EBF2: variants seen among roughly 807,000 people sequenced by gnomAD.
EBF2 encodes the protein EBF transcription factor 2, also known as transcription factor COE2.
A neutral mutation model predicts 72.8 loss-of-function variants in EBF2; 21 were observed. That is an observed-to-expected ratio of 0.29 (90% CI 0.20 to 0.42). The LOEUF (loss-of-function observed/expected upper bound fraction) is 0.42, where lower values mean the gene tolerates loss of function less well. EBF2 is among the 10% of genes least tolerant of loss of function. The pLI is 1.00. For synonymous variants in EBF2, 299 were observed against 274.2 expected (o/e 1.09, Z -0.89); for missense variants, 637 against 731.2 (o/e 0.87, Z 1.49).
chr8:25,957,509 G>A (rs964023320), intron 6 of EBF2, among the ~76,000 whole-genome samples: 3 of 152,140 alleles, frequency 2.0e-5, no homozygotes, highest in African/African-American at 7.2e-5. Flanking sequence ...TGCCTGTGGA[G>A]CAACAGTGTT....
At chr8:25,900,326 G>A (rs996092347) in intron 7 of EBF2, among the ~76,000 whole-genome samples, 3 of 152,094 alleles carry the variant, frequency 2.0e-5, no homozygotes, top group Non-Finnish European at 4.4e-5. Flanking sequence ...TTTTTGTGTT[G>A]CATGCACCTG....
intron 6 of EBF2, among the ~76,000 whole-genome samples, chr8:26,002,580 A>G (rs1377036381): frequency 1.3e-5 from 2 of 152,182 alleles, no homozygotes; most frequent in African/African-American, 4.8e-5. Context: ...CAAAGCAAGT[A>G]GAGTTCCTCA....
intron 6 of EBF2, among the ~76,000 whole-genome samples, chr8:26,012,776 C>G (rs1805047255): frequency 6.6e-6 from 1 of 152,208 alleles, no homozygotes; most frequent in African/African-American, 2.4e-5. Flanking sequence ...TGTCTCCTTG[C>G]TCACAGCATG....
At chr8:25,960,010 TG>T (rs1334869101) in intron 6 of EBF2, among the ~76,000 whole-genome samples, 1 of 152,208 alleles carries the variant, frequency 6.6e-6, no homozygotes, top group African/African-American at 2.4e-5. Context: ...TCACCTTTCC[TG>T]GGTTCTGGTC....
chr8:26,005,579 G>GAGAGAGAGA (rs71216409), intron 6 of EBF2, among the ~76,000 whole-genome samples: 17 of 63,782 alleles, frequency 2.7e-4, no homozygotes, highest in South Asian at 4.8e-4. Context: ...GAGAGAGAGA[G>GAGAGAGAGA]GTATTTTGGG....
intron 6 of EBF2, among the ~76,000 whole-genome samples, chr8:25,932,380 A>T (rs1398127442): frequency 1.1e-4 from 1 of 8,930 alleles, no homozygotes; most frequent in East Asian, 0.012. Context: ...TCTCTTGATT[A>T]AAAAAAAAAA....
In EBF2 at chr8:25,894,370, G is replaced by A. The variant is rs545059561; in HGVS notation, c.634-4501C>T. ...TTTGGAGAAGTTAAGATTTCTGAAC[G>A]TTTTAGGACCAAAGGAAGTGGAATG... On this transcript the variant is annotated intron_variant, in intron 7 of 15. Coordinates refer to ENST00000520164, the MANE Select transcript of EBF2 (RefSeq NM_022659.4). Among the ~76,000 whole-genome samples, 15 of 152,264 alleles carry A rather than the reference G, an allele frequency of 9.9e-5. No individual in the cohort carries two copies. The East Asian group carries it at 2.9e-3, about 29-fold the overall frequency.
At chr8:25,901,246 A>G (rs1405939684) in intron 7 of EBF2, among the ~76,000 whole-genome samples, 3 of 151,952 alleles carry the variant, frequency 2.0e-5, no homozygotes, top group Non-Finnish European at 2.9e-5. Flanking sequence ...ATGTGGCAAA[A>G]CCCCGTCTCG....
chr8:25,981,290 C>T (rs1410192008), intron 6 of EBF2, among the ~76,000 whole-genome samples: 5 of 152,114 alleles, frequency 3.3e-5, no homozygotes, highest in Admixed American at 2.0e-4. Flanking sequence ...GATTCCTGCC[C>T]CCATCCCATC....
At chr8:25,941,729 T>C (rs1023215990) in intron 6 of EBF2, among the ~76,000 whole-genome samples, 2 of 152,070 alleles carry the variant, frequency 1.3e-5, no homozygotes, top group Admixed American at 1.3e-4. Flanking sequence ...CTGGCTGCTG[T>C]CAGAGAGCCC....
intron 6 of EBF2, among the ~76,000 whole-genome samples, chr8:25,915,349 C>A (rs1336396311): frequency 6.6e-6 from 1 of 151,620 alleles, no homozygotes; most frequent in African/African-American, 2.4e-5. Flanking sequence ...CCTTACTGAT[C>A]CACATGGGGG....
At chr8:25,873,542 T>C (rs1163347554) in intron 10 of EBF2, among the ~76,000 whole-genome samples, 1 of 152,134 alleles carries the variant, frequency 6.6e-6, no homozygotes, top group Non-Finnish European at 1.5e-5. Context: ...AGGAACACAT[T>C]ATTAAGAGGC....
chr8:25,918,562 A>AT (rs779887868), intron 6 of EBF2, among the ~76,000 whole-genome samples: 68 of 151,994 alleles, frequency 4.5e-4, no homozygotes, highest in Non-Finnish European at 7.4e-4. Context: ...ATAAGCACAG[A>AT]TTTTTTTTTA....
At position 26,044,242 on chromosome 8, in the gene EBF2, C is replaced by T. The variant is rs907891101; in HGVS notation, c.131+487G>A. Among the ~76,000 whole-genome samples the T allele has an allele frequency of 6.6e-6, 1 of 152,188 alleles. No individual in the cohort carries two copies. The highest frequency in any genetic ancestry group is 1.5e-5 in the Non-Finnish European group (1 of 68,030). ...TCCCGCTCCCCTCGCCGCCGCCACC[C>T]TCTGGCCGCCGGCCTCCCAGGCTCC... On this transcript the variant is annotated intron_variant, in intron 1 of 15. Coordinates refer to ENST00000520164, the MANE Select transcript of EBF2 (RefSeq NM_022659.4). This position sits in a 1 kb window ranked among gnomAD's most constrained non-coding sequence, Gnocchi z 4.1.
intron 6 of EBF2, among the ~76,000 whole-genome samples, chr8:26,009,810 G>T (rs373322113): frequency 6.6e-6 from 1 of 152,144 alleles, no homozygotes; most frequent in African/African-American, 2.4e-5. Context: ...TCAGTGACTG[G>T]CTTCATTTCA....
At chr8:25,958,293 T>C (rs1445718838) in intron 6 of EBF2, among the ~76,000 whole-genome samples, 3 of 152,182 alleles carry the variant, frequency 2.0e-5, no homozygotes, top group Admixed American at 6.5e-5. Flanking sequence ...CTCCAATAGA[T>C]TGGAACAATC....
chr8:25,981,557 T>A (rs78412805), intron 6 of EBF2, among the ~76,000 whole-genome samples: 4,220 of 152,196 alleles, frequency 0.028, 64 homozygotes, highest in African/African-American at 0.032. Flanking sequence ...ATCAGTACTT[T>A]GGGAAACCGA....
intron 11 of EBF2, among the ~76,000 whole-genome samples, chr8:25,862,343 T>G (rs898113205): frequency 2.1e-4 from 32 of 152,182 alleles, no homozygotes; most frequent in Non-Finnish European, 1.5e-4. Context: ...TAATTAATAC[T>G]AATTGTGGAT....
intron 5 of EBF2, among the ~76,000 whole-genome samples, chr8:26,034,247 A>G (rs1386423838): frequency 6.6e-6 from 1 of 152,206 alleles, no homozygotes; most frequent in Non-Finnish European, 1.5e-5. Context: ...TACATTTTAA[A>G]ATACGAGGAA....
Sources: allele counts gnomAD v4.1 joint callset (sites outside exome capture counted in the v4.1 genomes callset), GRCh38; gene constraint gnomAD v4.1.1; non-coding constraint Gnocchi (gnomAD v3.1); transcripts MANE v1.5; gene names NCBI Gene and HGNC (gene_info 2026-07-23, HGNC 2026-07-21).